Variants in CDH13 observed in about 807,000 individuals in gnomAD.
CDH13 encodes cadherin 13.
In CDH13, 24 loss-of-function variants were observed where a neutral mutation model predicts 63.8. The observed-to-expected ratio is 0.38, with a 90% CI of 0.27 to 0.53. The LOEUF (loss-of-function observed/expected upper bound fraction) is 0.53. Ranked by LOEUF, CDH13 falls within the 20% of genes least tolerant of loss-of-function variation. The pLI, the probability that CDH13 is intolerant of heterozygous loss-of-function variation, is 0.85. For synonymous variants in CDH13, 503 were observed against 355.3 expected (o/e 1.42, Z -4.67); for missense variants, 1,049 against 903.1 (o/e 1.16, Z -2.07).
intron 3 of CDH13, among the ~76,000 whole-genome samples, chr16:83,034,050 C>T (rs1009585225): frequency 3.9e-5 from 6 of 152,090 alleles, no homozygotes; most frequent in African/African-American, 2.4e-5. Context: ...TGAGAGTTAC[C>T]TTCCCGCCAG....
intron 10 of CDH13, among the ~76,000 whole-genome samples, chr16:83,705,462 A>G (rs1252938151): frequency 6.6e-6 from 1 of 152,124 alleles, no homozygotes; most frequent in Non-Finnish European, 1.5e-5. Context: ...CTCTACTAAA[A>G]ATACAAAAAA....
intron 8 of CDH13, among the ~76,000 whole-genome samples, chr16:83,610,741 G>C (rs1455321172): frequency 2.6e-5 from 4 of 152,148 alleles, no homozygotes; most frequent in Non-Finnish European, 5.9e-5. Context: ...GTTATTTCCA[G>C]TTTGGGGATA....
chr16:82,654,297 G>A (rs1416982565), intron 1 of CDH13, among the ~76,000 whole-genome samples: 1 of 152,106 alleles, frequency 6.6e-6, no homozygotes, highest in Non-Finnish European at 1.5e-5. Flanking sequence ...CTTATTCAAG[G>A]TCGGTTTCCC....
chr16:82,907,411 T>C (rs2041685739), intron 2 of CDH13, among the ~76,000 whole-genome samples: 2 of 152,080 alleles, frequency 1.3e-5, no homozygotes, highest in Admixed American at 6.5e-5. Context: ...AAACTACTGT[T>C]TAGGGAGATA....
intron 5 of CDH13, among the ~76,000 whole-genome samples, chr16:83,277,408 G>A (rs1169531050): frequency 6.6e-6 from 1 of 152,154 alleles, no homozygotes; most frequent in Non-Finnish European, 1.5e-5. Flanking sequence ...ATCTCTTTCT[G>A]TGGGGCCCAG....
chr16:83,617,219 G>A (rs532683709), intron 8 of CDH13, among the ~76,000 whole-genome samples: 4 of 152,270 alleles, frequency 2.6e-5, no homozygotes, highest in African/African-American at 9.6e-5. Flanking sequence ...AATTAGAGAT[G>A]AGTTTATTAT....
Position 83,602,509 on chromosome 16 carries a change from T to C in CDH13, c.1016T>C (p.Leu339Pro). The C allele has an allele frequency of 6.2e-7, 1 of 1,613,880 alleles. No individual in the cohort carries two copies. The highest frequency in any genetic ancestry group is 1.1e-5 in the South Asian group (1 of 91,082). Reference protein sequence around the residue: ...LIIEAQDMAGLDVGLTGTATA... With the variant: ...LIIEAQDMAGPDVGLTGTATA... ...ATCGAGGCTCAAGATATGGCTGGAC[T>C]GGATGTTGGATTAACAGGCACGGCC... is the stretch of plus-strand genomic sequence containing the variant. The change falls in exon 8 of 14, where the codon CTG (leucine) becomes CCG (proline). Residue 339 changes from leucine (L) to proline (P), a missense_variant. Physicochemically the swap from Leu to Pro is moderately conservative, Grantham distance 98. Transcript: ENST00000567109.
At chr16:83,265,691 A>C (rs1410757494) in intron 5 of CDH13, among the ~76,000 whole-genome samples, 2 of 146,906 alleles carry the variant, frequency 1.4e-5, no homozygotes, top group Admixed American at 6.7e-5. Flanking sequence ...TTGGGTTTTA[A>C]AGATTCACCT....
At chr16:83,274,953 G>GT (rs1567556654) in intron 5 of CDH13, among the ~76,000 whole-genome samples, 1 of 152,028 alleles carries the variant, frequency 6.6e-6, no homozygotes, top group African/African-American at 2.4e-5. Context: ...GCCCTCCTCT[G>GT]CCCCTCTTAT....
chr16:83,248,053 A>G (rs1597590833), intron 5 of CDH13, among the ~76,000 whole-genome samples: 1 of 152,162 alleles, frequency 6.6e-6, no homozygotes, highest in African/African-American at 2.4e-5. Flanking sequence ...GGGAAGATTC[A>G]TGTTTTCTGA....
intron 7 of CDH13, among the ~76,000 whole-genome samples, chr16:83,571,183 C>A (rs1362688937): frequency 6.6e-6 from 1 of 151,994 alleles, no homozygotes; most frequent in East Asian, 1.9e-4. Context: ...CAGTGGAAAT[C>A]TTCACCCAAT....
intron 6 of CDH13, among the ~76,000 whole-genome samples, chr16:83,353,404 C>A (rs1413952630): frequency 1.3e-5 from 2 of 152,010 alleles, no homozygotes; most frequent in Admixed American, 6.5e-5. Flanking sequence ...TCAGGCCCGC[C>A]CTGATGGGCA....
chr16:83,233,835 T>G (rs1206840896), intron 5 of CDH13, among the ~76,000 whole-genome samples: 1 of 152,206 alleles, frequency 6.6e-6, no homozygotes, highest in Non-Finnish European at 1.5e-5. Flanking sequence ...AGTCAAAGTT[T>G]CCAGACATTA....
Position 82,820,155 on chromosome 16 carries a change from A to C in CDH13, c.46-38207A>C, listed in dbSNP as rs534909445. Among the ~76,000 whole-genome samples the C allele has an allele frequency of 2.6e-5, 4 of 152,276 alleles. No homozygotes were observed. In the South Asian group the frequency reaches 6.2e-4, roughly 24 times the overall value. The stretch of plus-strand genomic sequence containing the variant: ...TCTGCAATGTGGGGAAGTGGGAATG[A>C]TTAAATATCATTGATTTGTTTTTAC... On this transcript the variant is annotated intron_variant, in intron 1 of 13. Coordinates refer to ENST00000567109, the MANE Select transcript of CDH13 (RefSeq NM_001257.5).
intron 3 of CDH13, among the ~76,000 whole-genome samples, chr16:83,119,363 T>A (rs1442160883): frequency 6.6e-6 from 1 of 152,204 alleles, no homozygotes; most frequent in Non-Finnish European, 1.5e-5. Context: ...CCCTCCTGAA[T>A]GCAATTCCTC....
At chr16:83,444,638 A>G (rs1030979920) in intron 6 of CDH13, among the ~76,000 whole-genome samples, 2 of 152,170 alleles carry the variant, frequency 1.3e-5, no homozygotes, top group Non-Finnish European at 2.9e-5. Context: ...ATCATTGCTC[A>G]TGTCCCTCCG....
At chr16:83,021,341 C>T (rs1005406079) in intron 2 of CDH13, among the ~76,000 whole-genome samples, 3 of 152,146 alleles carry the variant, frequency 2.0e-5, no homozygotes, top group African/African-American at 7.2e-5. Flanking sequence ...AACACAAATT[C>T]GTAGTGATTA....
chr16:83,577,234 C>T (rs954098565), intron 7 of CDH13, among the ~76,000 whole-genome samples: 1 of 152,138 alleles, frequency 6.6e-6, no homozygotes, highest in Non-Finnish European at 1.5e-5. Context: ...TTAAACAGCC[C>T]CTGTCCTACT....
At chr16:82,726,112 T>C in intron 1 of CDH13, among the ~76,000 whole-genome samples, 1 of 152,172 alleles carries the variant, frequency 6.6e-6, no homozygotes. Flanking sequence ...TTAGTTTTAC[T>C]TATGGGAAAG....
Sources: allele counts gnomAD v4.1 joint callset (sites outside exome capture counted in the v4.1 genomes callset), GRCh38; gene constraint gnomAD v4.1.1; transcripts MANE v1.5; gene names NCBI Gene and HGNC (gene_info 2026-07-23, HGNC 2026-07-21).